Variants in DOCK3 observed in about 807,000 individuals in gnomAD.
The protein encoded by DOCK3 is dedicator of cytokinesis 3, also known as dedicator of cytokinesis protein 3.
In DOCK3, 60 loss-of-function variants were observed where a neutral mutation model predicts 265.6. That is an observed-to-expected ratio of 0.23 (90% CI 0.18 to 0.28). DOCK3 has a LOEUF of 0.28. DOCK3 is among the 10% of genes least tolerant of loss of function. The pLI is 1.00. For synonymous variants in DOCK3, 881 were observed against 938.0 expected (o/e 0.94, Z 1.11); for missense variants, 1,981 against 2,594.3 (o/e 0.76, Z 5.14).
chr3:51,091,907 G>A (rs1160723767), intron 9 of DOCK3, among the ~76,000 whole-genome samples: 1 of 152,064 alleles, frequency 6.6e-6, no homozygotes, highest in African/African-American at 2.4e-5. Context: ...GCAAGGGGTT[G>A]GGGAATTTTC....
intron 1 of DOCK3, among the ~76,000 whole-genome samples, chr3:50,775,651 G>A (rs2041548119): frequency 6.6e-6 from 1 of 151,986 alleles, no homozygotes. Context: ...TCATGGATGA[G>A]TTCTTTAGTG....
intron 4 of DOCK3, among the ~76,000 whole-genome samples, chr3:50,905,911 G>A (rs2049468259): frequency 6.6e-6 from 1 of 151,948 alleles, no homozygotes; most frequent in African/African-American, 2.4e-5. Flanking sequence ...GTCATAAATA[G>A]CTCTTATTAT....
intron 12 of DOCK3, among the ~76,000 whole-genome samples, chr3:51,202,271 C>G (rs1195452831): frequency 6.7e-6 from 1 of 149,262 alleles, no homozygotes; most frequent in Non-Finnish European, 1.5e-5. Flanking sequence ...AGACTGCTAG[C>G]AAGACTAATA....
Position 51,354,912 on chromosome 3 carries a change from T to C in DOCK3, c.4138T>C (p.Tyr1380His), listed in dbSNP as rs1262054599. Reference protein sequence around the residue: ...NKEYVCRGHDYERLEAFQQRM... With the variant: ...NKEYVCRGHDHERLEAFQQRM... ...AGAATACGTGTGCCGTGGCCATGACTACGAGAGGCTGGAGGCCTTCCAGCA... is the reference window on the plus strand; with the variant it reads ...AGAATACGTGTGCCGTGGCCATGACCACGAGAGGCTGGAGGCCTTCCAGCA... Residue 1380 changes from tyrosine (Y) to histidine (H), a missense_variant, in exon 41 of 53, where the codon TAC becomes CAC. This residue lies in a region of DOCK3 where 1,357 missense variants were observed against 1,866.8 expected (regional missense o/e 0.73). Coordinates refer to ENST00000266037, the MANE Select transcript of DOCK3 (RefSeq NM_004947.5). 1 of 1,613,796 alleles carries C rather than the reference T, an allele frequency of 6.2e-7. No homozygotes were observed. Among genetic ancestry groups the C allele is most frequent in the Non-Finnish European group, 8.5e-7 (1 of 1,179,852 alleles).
intron 22 of DOCK3, among the ~76,000 whole-genome samples, chr3:51,254,078 A>T (rs2079412600): frequency 6.6e-6 from 1 of 152,042 alleles, no homozygotes; most frequent in Non-Finnish European, 1.5e-5. Context: ...CTTTGTTCTC[A>T]TTGGTTTCGA....
intron 4 of DOCK3, among the ~76,000 whole-genome samples, chr3:50,931,781 C>A (rs1011434208): frequency 2.6e-5 from 4 of 152,208 alleles, no homozygotes; most frequent in Admixed American, 1.3e-4. Flanking sequence ...TCTTACATGG[C>A]TGGTGGAGCC....
intron 1 of DOCK3, among the ~76,000 whole-genome samples, chr3:50,763,213 G>A (rs1576364159): frequency 6.6e-6 from 1 of 152,296 alleles, no homozygotes; most frequent in East Asian, 1.9e-4. Flanking sequence ...GGACCTGTGA[G>A]AGGCATTGTG....
intron 49 of DOCK3, among the ~76,000 whole-genome samples, chr3:51,366,714 A>AT (rs2087207255): frequency 6.6e-6 from 1 of 152,194 alleles, no homozygotes; most frequent in Non-Finnish European, 1.5e-5. Context: ...GTTTCAAAGA[A>AT]TATCTTTATT....
At chr3:51,203,217 G>A (rs1409849277) in intron 12 of DOCK3, among the ~76,000 whole-genome samples, 1 of 152,114 alleles carries the variant, frequency 6.6e-6, no homozygotes, top group Non-Finnish European at 1.5e-5. Context: ...AGGAAAAGAG[G>A]AAGTCAAATT....
intron 1 of DOCK3, chr3:50,719,930 G>T: frequency 1.8e-6 from 1 of 541,854 alleles, no homozygotes. Context: ...GCAGCCCAAG[G>T]GCGTACCGTC....
At chr3:50,996,053 T>C (rs1196050637) in intron 5 of DOCK3, among the ~76,000 whole-genome samples, 2 of 150,774 alleles carry the variant, frequency 1.3e-5, no homozygotes, top group African/African-American at 4.9e-5. Context: ...TTTGTGTTTT[T>C]AGTAGAGATG....
In DOCK3 at chr3:51,381,140, G is replaced by A. The variant is rs1559443931; in HGVS notation, c.5674G>A (p.Gly1892Ser). 2 of 1,613,872 alleles carry A rather than the reference G, an allele frequency of 1.2e-6. No individual in the cohort carries two copies. Among genetic ancestry groups the A allele is most frequent in the Non-Finnish European group, 1.7e-6 (2 of 1,179,868 alleles). The change falls in exon 53 of 53, where the codon GGC becomes AGC. Residue 1892 changes from glycine to serine, a missense_variant. Transcript: ENST00000266037. The surrounding 1 kb of genome is among the most constrained non-coding windows in gnomAD (Gnocchi z 5.6). ...NSTLSGSASS[G>S]VSSLSESNFG... Reference sequence around the variant, plus strand: ...TACGCTGTCCGGCAGTGCCAGCAGCGGCGTGTCCTCCTTGAGTGAGAGTAA... The same window carrying A: ...TACGCTGTCCGGCAGTGCCAGCAGCAGCGTGTCCTCCTTGAGTGAGAGTAA...
At chr3:50,921,147 C>A (rs2050436379) in intron 4 of DOCK3, among the ~76,000 whole-genome samples, 1 of 152,050 alleles carries the variant, frequency 6.6e-6, no homozygotes, top group African/African-American at 2.4e-5. Flanking sequence ...TTTACGTTTG[C>A]CTGAGGAGTG....
chr3:50,929,103 G>C (rs2050922101), intron 4 of DOCK3, among the ~76,000 whole-genome samples: 1 of 152,204 alleles, frequency 6.6e-6, no homozygotes, highest in African/African-American at 2.4e-5. Context: ...ATGTAACTCT[G>C]TTGTAAGTCG....
intron 4 of DOCK3, among the ~76,000 whole-genome samples, chr3:50,892,086 G>A (rs917261087): frequency 5.9e-5 from 9 of 152,048 alleles, no homozygotes; most frequent in Admixed American, 6.6e-5. Context: ...TCTAAAATCT[G>A]GAGAAAATAT....
At chr3:51,067,054 TTA>T (rs1490124780) in intron 6 of DOCK3, among the ~76,000 whole-genome samples, 1 of 152,212 alleles carries the variant, frequency 6.6e-6, no homozygotes, top group Admixed American at 6.5e-5. Context: ...TGTTATGAAA[TTA>T]TGTCACTTTT....
chr3:51,282,682 A>G (rs1199992577), intron 27 of DOCK3, among the ~76,000 whole-genome samples: 5 of 51,276 alleles, frequency 9.8e-5, no homozygotes, highest in African/African-American at 2.7e-4. Flanking sequence ...AAAGAAAAGA[A>G]AAAAGAAAAA....
rs1461147019 is a variant in DOCK3 at position 51,359,610 on chromosome 3, G to A, written c.4885-901G>A. 6.6e-6 allele frequency among the ~76,000 whole-genome samples: 1 copy of A among 152,242 alleles called. No individual in the cohort carries two copies. Among genetic ancestry groups the A allele is most frequent in the Non-Finnish European group, 1.5e-5 (1 of 68,042 alleles). Reference sequence around the variant, plus strand: ...CAGCAGGTGACCCAAGCAGGCTGGAGCCTGGCCAGTGAGGAGGTTCTCTGC... The same window carrying A: ...CAGCAGGTGACCCAAGCAGGCTGGAACCTGGCCAGTGAGGAGGTTCTCTGC... On this transcript the variant is annotated intron_variant, in intron 46 of 52. Transcript: ENST00000266037. The surrounding 1 kb of genome is among the most constrained non-coding windows in gnomAD (Gnocchi z 4.8).
intron 27 of DOCK3, among the ~76,000 whole-genome samples, chr3:51,297,608 G>A (rs549609725): frequency 1.1e-4 from 16 of 152,162 alleles, no homozygotes; most frequent in African/African-American, 3.6e-4. Context: ...TTAAGGAAAT[G>A]TAAATTAAAT....
Sources: allele counts gnomAD v4.1 joint callset (sites outside exome capture counted in the v4.1 genomes callset), GRCh38; gene constraint gnomAD v4.1.1; regional missense constraint gnomAD v4.1.1; non-coding constraint Gnocchi (gnomAD v3.1); transcripts MANE v1.5; gene names NCBI Gene and HGNC (gene_info 2026-07-23, HGNC 2026-07-21).